The following CCT2 variants were observed in gnomAD, a reference collection of about 807,000 sequenced individuals.
CCT2 encodes the protein chaperonin containing TCP1 subunit 2.
A neutral mutation model predicts 61.8 loss-of-function variants in CCT2; 18 were observed. That is an observed-to-expected ratio of 0.29 (90% confidence interval 0.20 to 0.43). CCT2 has a LOEUF of 0.43. CCT2 is among the 20% of genes least tolerant of loss of function. The probability of loss-of-function intolerance (pLI) is 1.00; values close to 1 mark genes in which losing one functional copy is unlikely to be tolerated. For synonymous variants in CCT2, 248 were observed against 215.9 expected (o/e 1.15, Z -1.30); for missense variants, 556 against 656.9 (o/e 0.85, Z 1.68).
rs747002248 is a variant in CCT2 at position 69,601,318 on chromosome 12, C to G, written c.1601C>G (p.Pro534Arg). 59 of 1,608,636 alleles carry G rather than the reference C, an allele frequency of 3.7e-5. No homozygotes were observed. Among genetic ancestry groups the G allele is most frequent in the Non-Finnish European group, 4.8e-5 (57 of 1,178,590 alleles). Residue 534 changes from proline to arginine, a missense_variant, in exon 16 of 16, where the codon CCC (proline) becomes CGC (arginine). Transcript: ENST00000299300. The part of the protein sequence containing the change: ...APRKRVPDHH[P>R]C ...AGGAAACGTGTCCCTGATCACCACC[C>G]CTGTTAAGCATTCCCACGTGCTGTC...
intron 2 of CCT2, 134 bp from the exon 3 acceptor site, chr12:69,586,619 G>A: frequency 1.4e-6 from 1 of 703,218 alleles, no homozygotes; most frequent in Non-Finnish European, 2.4e-6. Context: ...AGTGAGCTGA[G>A]ATCGCGCCAT....
intron 7 of CCT2, 142 bp from the exon 8 acceptor site, chr12:69,591,917 T>G (rs1428766238): frequency 3.9e-6 from 2 of 516,704 alleles, no homozygotes; most frequent in African/African-American, 3.9e-5. Context: ...CAAGCTTGCT[T>G]TTATGCCTTC....
At chr12:69,591,411 G>T (rs547414055) in intron 7 of CCT2, among the ~76,000 whole-genome samples, 71 of 152,212 alleles carry the variant, frequency 4.7e-4, no homozygotes, top group Non-Finnish European at 7.2e-4. Context: ...CCAGCAGCAG[G>T]GGCATGATCA....
At chr12:69,600,146 T>C (rs2135861705) in intron 15 of CCT2, 142 bp downstream of exon 15, 5 of 802,678 alleles carry the variant, frequency 6.2e-6, no homozygotes, top group Admixed American at 3.1e-5. Flanking sequence ...ATATCACAAC[T>C]CTTAACACTT....
intron 14 of CCT2, among the ~76,000 whole-genome samples, chr12:69,599,169 C>T (rs928331410): frequency 6.6e-6 from 1 of 152,156 alleles, no homozygotes; most frequent in African/African-American, 2.4e-5. Flanking sequence ...TCACTGCAGC[C>T]TTGAACCCCT....
chr12:69,596,793 T>C (rs938134982), intron 10 of CCT2, among the ~76,000 whole-genome samples: 1 of 152,196 alleles, frequency 6.6e-6, no homozygotes. Flanking sequence ...AGACTCAGTT[T>C]AACCTTGGGA....
intron 3 of CCT2, 75 bp downstream of exon 3, chr12:69,586,893 T>A: frequency 1.1e-6 from 1 of 885,672 alleles, no homozygotes. Context: ...ACAAGCGTAT[T>A]AAAATGCTTT....
chr12:69,592,850 C>T (rs953391033), intron 8 of CCT2, 126 bp from the exon 9 acceptor site: 12 of 757,650 alleles, frequency 1.6e-5, no homozygotes, highest in Non-Finnish European at 2.5e-5. Flanking sequence ...ATCACTTGAA[C>T]CCAGCGGGTG....
At position 69,601,471 on chromosome 12, in the gene CCT2, T is replaced by A. The variant is rs1422754946; in HGVS notation, c.*146T>A. 3 of 1,530,904 alleles carry A rather than the reference T, an allele frequency of 2.0e-6. No homozygotes were observed. In the African/African-American group the frequency reaches 4.2e-5, roughly 21 times the overall value. 94.8% of individuals were successfully genotyped at this position (1,530,904 alleles called of 1,614,324 possible). ...TATTTAGCTGACCTTCGCTTTAACATAGGTCTAATTTATTTGCCGTGTCAT... is the reference window on the plus strand; with the variant it reads ...TATTTAGCTGACCTTCGCTTTAACAAAGGTCTAATTTATTTGCCGTGTCAT... On this transcript the variant is annotated 3_prime_UTR_variant, in exon 16 of 16. Coordinates refer to ENST00000299300, the MANE Select transcript of CCT2 (RefSeq NM_006431.3).
At chr12:69,590,226 G>A (rs698132) in intron 7 of CCT2, among the ~76,000 whole-genome samples, 66,469 of 152,044 alleles carry the variant, frequency 0.44, 15,516 homozygotes, top group East Asian at 0.64. Context: ...TAGTGGGCCA[G>A]CTTTTCAAAT....
At chr12:69,589,717 T>C in intron 7 of CCT2, 30 bp downstream of exon 7, 2 of 1,543,262 alleles carry the variant, frequency 1.3e-6, no homozygotes, top group Non-Finnish European at 1.8e-6. Flanking sequence ...ACAAGAAGCT[T>C]TGATTAGATG....
chr12:69,596,615 ATAAT>A (rs1198424099), intron 10 of CCT2, among the ~76,000 whole-genome samples: 1 of 152,156 alleles, frequency 6.6e-6, no homozygotes, highest in Non-Finnish European at 1.5e-5. Context: ...TTCATTTGTG[ATAAT>A]TAGAGATATC....
chr12:69,596,437 G>T (rs1420723190), intron 10 of CCT2, among the ~76,000 whole-genome samples: 3 of 152,186 alleles, frequency 2.0e-5, no homozygotes, highest in Non-Finnish European at 4.4e-5. Flanking sequence ...CTTTTGCTTA[G>T]TTAGGAAATA....
At chr12:69,599,372 C>T (rs1882085208) in intron 14 of CCT2, among the ~76,000 whole-genome samples, 1 of 151,906 alleles carries the variant, frequency 6.6e-6, no homozygotes, top group Non-Finnish European at 1.5e-5. Flanking sequence ...AGCCACTGAT[C>T]CTGGCCCCTT....
intron 1 of CCT2, chr12:69,585,731 C>G: frequency 2.7e-6 from 4 of 1,457,704 alleles, no homozygotes; most frequent in Non-Finnish European, 3.6e-6. Context: ...ACCGCAAAGC[C>G]AGCGTCTCCT....
chr12:69,593,595 C>A lies in CCT2; in HGVS notation c.964C>A (p.Arg322Ser). The change falls in exon 10 of 16, where the codon CGC becomes AGC. Residue 322 changes from arginine (R) to serine (S), a missense_variant. Physicochemically the swap from Arg to Ser is moderately radical, Grantham distance 110 (BLOSUM62 -1). This residue lies in a region of CCT2 where 23 missense variants were observed against 56.6 expected (regional missense o/e 0.41). Coordinates refer to ENST00000299300, the MANE Select transcript of CCT2 (RefSeq NM_006431.3). ...IEHADFAGVE[R>S]LALVTGGEIA... ...GCATGCAGATTTTGCAGGTGTGGAA[C>A]GCCTAGCTCTTGTCACAGGTATGGA... is the stretch of plus-strand genomic sequence containing the variant. The A allele has an allele frequency of 6.2e-7, 1 of 1,607,986 alleles. No individual in the cohort carries two copies. Among genetic ancestry groups the A allele is most frequent in the Non-Finnish European group, 8.5e-7 (1 of 1,174,876 alleles).
Position 69,599,865 on chromosome 12 carries a change from A to G in CCT2, c.1438A>G (p.Met480Val). ...SEGNTTAGLD[M>V]REGTIGDMAI... The stretch of plus-strand genomic sequence containing the variant: ...AGTAAATTTGTTTTTCTTTGCAGAT[A>G]TGAGGGAAGGCACCATTGGAGATAT... The change falls in exon 15 of 16, where the codon ATG becomes GTG. Residue 480 changes from methionine (M) to valine (V), a missense_variant and splice_region_variant. Around this residue, in one of 3 missense-constraint regions of CCT2, gnomAD observed 225 missense variants for 249.8 expected, o/e 0.90. Coordinates refer to ENST00000299300, the MANE Select transcript of CCT2 (RefSeq NM_006431.3). 1 of 1,606,772 alleles carries G rather than the reference A, an allele frequency of 6.2e-7. No homozygotes were observed. Among genetic ancestry groups the G allele is most frequent in the Non-Finnish European group, 8.5e-7 (1 of 1,177,318 alleles).
intron 9 of CCT2, 57 bp downstream of exon 9, chr12:69,593,160 A>G (rs1881887275): frequency 5.7e-6 from 8 of 1,414,484 alleles, no homozygotes; most frequent in Non-Finnish European, 6.8e-6. Context: ...GGAATACTTC[A>G]TATTTACTTA....
Position 69,597,773 on chromosome 12 carries a change from AT to A in CCT2, c.1231+10del. The A allele has an allele frequency of 1.2e-6, 2 of 1,602,332 alleles. No homozygotes were observed. Among genetic ancestry groups the A allele is most frequent in the African/African-American group, 1.3e-5 (1 of 74,278 alleles). ...AGAACAGTTTATGGAGGAGGTAAGC[AT>A]TTAGAAAATGTTGAATATATTTTTA... On this transcript the variant is annotated splice_region_variant and intron_variant, in intron 12 of 15. Transcript: ENST00000299300.
Sources: allele counts gnomAD v4.1 joint callset (sites outside exome capture counted in the v4.1 genomes callset), GRCh38; gene constraint gnomAD v4.1.1; regional missense constraint gnomAD v4.1.1; transcripts MANE v1.5; gene names NCBI Gene and HGNC (gene_info 2026-07-23, HGNC 2026-07-21).